PRR16: variants seen among roughly 807,000 people sequenced by gnomAD.
The protein encoded by PRR16 is proline rich 16, also known as protein Largen.
Under a neutral mutation model 18.2 loss-of-function variants are expected in PRR16, and 6 were observed. The observed-to-expected ratio is 0.33, with a 90% CI of 0.18 to 0.65. The LOEUF (loss-of-function observed/expected upper bound fraction) is 0.65. Ranked by LOEUF, PRR16 falls within the 30% of genes least tolerant of loss-of-function variation. The probability of loss-of-function intolerance (pLI) is 0.74; values close to 1 mark genes in which losing one functional copy is unlikely to be tolerated. For missense variants in PRR16, 412 were observed against 376.6 expected, an observed-to-expected ratio of 1.09 and a Z score of -0.78; for synonymous variants, 151 against 147.8, an observed-to-expected ratio of 1.02 and a Z score of -0.16.
At chr5:120,774,346 T>A in the PRR16 span, among the ~76,000 whole-genome samples, 2 of 152,180 alleles carry the variant, frequency 1.3e-5, no homozygotes, top group African/African-American at 4.8e-5. Flanking sequence ...ACTCACTTTG[T>A]AGTTCTATTC....
chr5:120,769,004 C>T, the PRR16 span, among the ~76,000 whole-genome samples: 1 of 151,656 alleles, frequency 6.6e-6, no homozygotes, highest in Non-Finnish European at 1.5e-5. Flanking sequence ...CTCAGCCACC[C>T]ATCCGCCAAC....
At chr5:120,721,219 C>T in the PRR16 span, among the ~76,000 whole-genome samples, 1 of 151,950 alleles carries the variant, frequency 6.6e-6, no homozygotes, top group Admixed American at 6.6e-5. Context: ...AGAGATGTAT[C>T]AGTGAACAAA....
the PRR16 span, among the ~76,000 whole-genome samples, chr5:120,771,233 T>C: frequency 6.6e-6 from 1 of 152,100 alleles, no homozygotes; most frequent in Non-Finnish European, 1.5e-5. Flanking sequence ...AGGCAAATAA[T>C]GTGCTTTCTG....
intron 1 of PRR16, among the ~76,000 whole-genome samples, chr5:120,542,821 T>C (rs539317078): frequency 6.6e-6 from 1 of 152,292 alleles, no homozygotes; most frequent in Admixed American, 6.5e-5. Flanking sequence ...CATTTATTTG[T>C]CTCTCTTGTG....
intron 1 of PRR16, among the ~76,000 whole-genome samples, chr5:120,578,702 A>G (rs1022350601): frequency 6.6e-6 from 1 of 152,200 alleles, no homozygotes; most frequent in East Asian, 1.9e-4. Flanking sequence ...GTGCTGCAGT[A>G]AACATATGTG....
the PRR16 span, among the ~76,000 whole-genome samples, chr5:120,724,129 C>CA: frequency 4.6e-5 from 7 of 151,970 alleles, no homozygotes; most frequent in Non-Finnish European, 1.0e-4. Context: ...CTATTAATTG[C>CA]AAATTAACTT....
At chr5:120,537,635 T>G (rs966327093) in intron 1 of PRR16, among the ~76,000 whole-genome samples, 2 of 147,916 alleles carry the variant, frequency 1.4e-5, no homozygotes, top group Non-Finnish European at 3.0e-5. Context: ...AGAATTACCT[T>G]GCCCATGACT....
At chr5:120,716,816 G>T in the PRR16 span, among the ~76,000 whole-genome samples, 1 of 152,092 alleles carries the variant, frequency 6.6e-6, no homozygotes, top group Non-Finnish European at 1.5e-5. Flanking sequence ...AGATTGCAGT[G>T]AGCTGAGATT....
At chr5:120,496,932 A>C (rs924299033) in intron 1 of PRR16, among the ~76,000 whole-genome samples, 9 of 151,936 alleles carry the variant, frequency 5.9e-5, no homozygotes, top group Non-Finnish European at 7.4e-5. Flanking sequence ...TGTATTTTTT[A>C]ATTTTCCTTG....
chr5:120,600,079 G>A (rs527479109), intron 1 of PRR16, among the ~76,000 whole-genome samples: 5 of 151,820 alleles, frequency 3.3e-5, no homozygotes, highest in African/African-American at 9.6e-5. Context: ...GATTAAGTTC[G>A]GCTCATCAAT....
chr5:120,592,012 T>G (rs189863382), intron 1 of PRR16, among the ~76,000 whole-genome samples: 192 of 152,248 alleles, frequency 1.3e-3, no homozygotes, highest in African/African-American at 4.5e-3. Flanking sequence ...AGTCTTTATT[T>G]ATTATGCAGT....
the PRR16 span, among the ~76,000 whole-genome samples, chr5:120,780,474 A>G: frequency 3.4e-3 from 524 of 152,258 alleles, 3 homozygotes; most frequent in African/African-American, 0.012. Context: ...TTTCATGATA[A>G]TATTTTCAAC....
At chr5:120,608,980 A>T (rs1477206541) in intron 1 of PRR16, among the ~76,000 whole-genome samples, 1 of 152,154 alleles carries the variant, frequency 6.6e-6, no homozygotes, top group Admixed American at 6.6e-5. Flanking sequence ...CTGTTAAGAA[A>T]ATTAATCCTT....
the PRR16 span, among the ~76,000 whole-genome samples, chr5:120,710,140 A>G: frequency 2.6e-3 from 396 of 151,910 alleles, 2 homozygotes; most frequent in Non-Finnish European, 4.0e-3. Context: ...AGCATTTGTT[A>G]TTTTCTGTCT....
chr5:120,581,308 T>C (rs964855847), intron 1 of PRR16, among the ~76,000 whole-genome samples: 8 of 152,230 alleles, frequency 5.3e-5, no homozygotes, highest in Non-Finnish European at 7.3e-5. Flanking sequence ...TTTATTTGCA[T>C]AGATGTGTTT....
chr5:120,747,464 C>G, the PRR16 span, among the ~76,000 whole-genome samples: 2 of 152,122 alleles, frequency 1.3e-5, no homozygotes, highest in African/African-American at 4.8e-5. Context: ...AAGCTTCATC[C>G]TTTAGAAAAT....
intron 1 of PRR16, among the ~76,000 whole-genome samples, chr5:120,564,866 G>T (rs192213111): frequency 3.2e-4 from 49 of 151,940 alleles, no homozygotes; most frequent in Non-Finnish European, 5.7e-4. Flanking sequence ...GGCGCCTGTA[G>T]TCCCAGCTAC....
downstream of PRR16, among the ~76,000 whole-genome samples, chr5:120,688,891 C>A (rs560518050): frequency 6.6e-6 from 1 of 152,242 alleles, no homozygotes; most frequent in East Asian, 1.9e-4. Context: ...CACCTAGAAA[C>A]AATCTCAGTG....
intron 1 of PRR16, among the ~76,000 whole-genome samples, chr5:120,570,760 T>C (rs557939569): frequency 4.3e-4 from 66 of 152,206 alleles, no homozygotes; most frequent in African/African-American, 1.4e-3. Flanking sequence ...TAAATCTTAA[T>C]AATAAATTAT....
Sources: allele counts gnomAD v4.1 joint callset (sites outside exome capture counted in the v4.1 genomes callset), GRCh38; gene constraint gnomAD v4.1.1; transcripts MANE v1.5; gene names NCBI Gene and HGNC (gene_info 2026-07-23, HGNC 2026-07-21).